The following UBE2D3 variants were observed in gnomAD, a reference collection of about 807,000 sequenced individuals.
The protein encoded by UBE2D3 is ubiquitin conjugating enzyme E2 D3, also known as ubiquitin-conjugating enzyme E2 D3.
A neutral mutation model predicts 22.8 loss-of-function variants in UBE2D3; 2 were observed. That is an observed-to-expected ratio of 0.09 (90% CI 0.04 to 0.28). The LOEUF (loss-of-function observed/expected upper bound fraction) is 0.28, where lower values mean the gene tolerates loss of function less well. UBE2D3 is among the 10% of genes least tolerant of loss of function. The probability of loss-of-function intolerance (pLI) is 1.00; values close to 1 mark genes in which losing one functional copy is unlikely to be tolerated. For synonymous variants in UBE2D3, 56 were observed against 60.4 expected (o/e 0.93, Z 0.34); for missense variants, 27 against 182.5 (o/e 0.15, Z 4.91).
intron 4 of UBE2D3, among the ~76,000 whole-genome samples, chr4:102,806,885 T>C (rs576988787): frequency 5.1e-4 from 77 of 152,264 alleles, no homozygotes; most frequent in African/African-American, 1.8e-3. Context: ...AATGCTGTCA[T>C]TTCTTTCGAA....
intron 4 of UBE2D3, among the ~76,000 whole-genome samples, chr4:102,804,447 C>T (rs538819091): frequency 2.2e-4 from 34 of 152,122 alleles, no homozygotes; most frequent in African/African-American, 8.0e-4. Flanking sequence ...TATCAGCCAC[C>T]GTGCCCAGTC....
intron 1 of UBE2D3, among the ~76,000 whole-genome samples, chr4:102,859,108 G>T (rs541772260): frequency 6.6e-6 from 1 of 152,014 alleles, no homozygotes; most frequent in East Asian, 1.9e-4. Context: ...TAGTGGTGAT[G>T]AACTCCCTCA....
At chr4:102,814,065 A>G (rs998136666) in intron 2 of UBE2D3, among the ~76,000 whole-genome samples, 2 of 152,158 alleles carry the variant, frequency 1.3e-5, no homozygotes, top group Admixed American at 6.5e-5. Context: ...GTATAGATAT[A>G]CCCTCATGTC....
rs370299615 is a variant in UBE2D3 at position 102,853,136 on chromosome 4, T to TC, written c.-129+15578_-129+15579insG. Among the ~76,000 whole-genome samples, 54 of 40,624 alleles carry TC rather than the reference T, an allele frequency of 1.3e-3. 3 individuals are homozygous for TC. Among genetic ancestry groups the TC allele is most frequent in the African/African-American group, 1.9e-3 (10 of 5,172 alleles). 26.7% of individuals were successfully genotyped at this position (40,624 alleles called of 152,430 possible). A position where few individuals can be genotyped will look rare whatever the true frequency, so the allele number is the denominator to read the frequency against. ...TCAAAATTACACACAAACACACACA[T>TC]TTTTTTTTTTTTTTTTTTTTTTTTG... On this transcript the variant is annotated intron_variant, in intron 1 of 7. Coordinates refer to the UBE2D3 transcript ENST00000338145.
chr4:102,868,890 C>T, upstream of UBE2D3: 1 of 1,476,512 alleles, frequency 6.8e-7, no homozygotes, highest in Non-Finnish European at 9.2e-7. Flanking sequence ...CTCGGCAGTC[C>T]GCCGCGAGCG....
intron 2 of UBE2D3, among the ~76,000 whole-genome samples, chr4:102,813,636 T>C (rs1299160963): frequency 1.3e-5 from 2 of 152,212 alleles, no homozygotes; most frequent in African/African-American, 4.8e-5. Context: ...AAACAAATGA[T>C]GTTTATAGCC....
chr4:102,824,314 T>C (rs1730107538), intron 2 of UBE2D3, among the ~76,000 whole-genome samples: 1 of 152,206 alleles, frequency 6.6e-6, no homozygotes, highest in African/African-American at 2.4e-5. Flanking sequence ...TTAAAAATTA[T>C]AAATTGTGAT....
upstream of UBE2D3, chr4:102,828,182 A>T (rs1248023927): frequency 1.0e-6 from 1 of 985,380 alleles, no homozygotes; most frequent in Non-Finnish European, 1.2e-6. Context: ...AATTCCCCAG[A>T]CTGGTAAGAG....
intron 1 of UBE2D3, among the ~76,000 whole-genome samples, chr4:102,863,619 G>C (rs1050835540): frequency 1.8e-4 from 28 of 151,950 alleles, no homozygotes; most frequent in African/African-American, 6.5e-4. Context: ...TCAGCCACCT[G>C]AGTAGCTGGG....
At chr4:102,847,201 TC>T (rs1449862730) in intron 1 of UBE2D3, among the ~76,000 whole-genome samples, 1 of 152,190 alleles carries the variant, frequency 6.6e-6, no homozygotes, top group Non-Finnish European at 1.5e-5. Context: ...ATACTACAAA[TC>T]TACCATATCT....
At chr4:102,799,017 G>A (rs758334443) in intron 7 of UBE2D3, 17 of 1,552,960 alleles carry the variant, frequency 1.1e-5, no homozygotes, top group Non-Finnish European at 1.5e-5. Flanking sequence ...TATAACATAT[G>A]AAAGTTATAA....
At position 102,817,744 on chromosome 4, in the gene UBE2D3, A is replaced by G. The variant is rs540520238; in HGVS notation, c.25-7889T>C. Among the ~76,000 whole-genome samples, 46 of 152,314 alleles carry G rather than the reference A, an allele frequency of 3.0e-4. 3 individuals are homozygous for G. The highest frequency in any genetic ancestry group is 7.4e-5 in the Non-Finnish European group (5 of 68,026). On this transcript the variant is annotated intron_variant, in intron 2 of 7. Coordinates refer to ENST00000453744, the MANE Select transcript of UBE2D3 (RefSeq NM_181891.3). ...CGTTAGTCTGTATCTCATTATTCGT[A>G]CGTAGTGTGAATCCAGTACTATTTT...
intron 1 of UBE2D3, among the ~76,000 whole-genome samples, chr4:102,868,446 T>A (rs1037143641): frequency 6.6e-6 from 1 of 152,184 alleles, no homozygotes; most frequent in Non-Finnish European, 1.5e-5. Context: ...GAATCTTCTC[T>A]GAGTGGCAAA....
chr4:102,814,838 AT>A (rs1728570101), intron 2 of UBE2D3, among the ~76,000 whole-genome samples: 1 of 152,096 alleles, frequency 6.6e-6, no homozygotes, highest in African/African-American at 2.4e-5. Context: ...GTTTATTTAA[AT>A]TTTTGACCTA....
intron 2 of UBE2D3, among the ~76,000 whole-genome samples, chr4:102,820,049 C>CA (rs1355879328): frequency 6.6e-6 from 1 of 152,120 alleles, no homozygotes; most frequent in Non-Finnish European, 1.5e-5. Context: ...AGGTGGGAAA[C>CA]AAAGGGAGTA....
chr4:102,827,568 CT>C, upstream of UBE2D3: 1 of 987,032 alleles, frequency 1.0e-6, no homozygotes, highest in Non-Finnish European at 1.2e-6. Flanking sequence ...AGCTGCCACG[CT>C]CCGCCCCTCC....
At chr4:102,819,261 C>T (rs543199036) in intron 2 of UBE2D3, among the ~76,000 whole-genome samples, 10 of 150,346 alleles carry the variant, frequency 6.7e-5, no homozygotes, top group Admixed American at 6.0e-4. Flanking sequence ...ACCCAGGAGA[C>T]GGTGGTTGCA....
intron 2 of UBE2D3, among the ~76,000 whole-genome samples, chr4:102,820,010 CT>C (rs967352057): frequency 6.6e-6 from 1 of 152,116 alleles, no homozygotes; most frequent in Non-Finnish European, 1.5e-5. Context: ...CAAAACACTG[CT>C]TTGGGGACTG....
At chr4:102,804,613 T>C (rs1726734688) in intron 4 of UBE2D3, among the ~76,000 whole-genome samples, 1 of 152,206 alleles carries the variant, frequency 6.6e-6, no homozygotes, top group African/African-American at 2.4e-5. Flanking sequence ...GATCCAATAC[T>C]ATACAAGATA....
Sources: allele counts gnomAD v4.1 joint callset (sites outside exome capture counted in the v4.1 genomes callset), GRCh38; gene constraint gnomAD v4.1.1; transcripts MANE v1.5; gene names NCBI Gene and HGNC (gene_info 2026-07-23, HGNC 2026-07-21).